The following COL6A5 variants were observed in gnomAD, a reference collection of about 807,000 sequenced individuals.
The protein encoded by COL6A5 is collagen alpha-5(VI) chain.
Under a neutral mutation model 65.6 loss-of-function variants are expected in COL6A5, and 48 were observed. The observed-to-expected ratio is 0.73, with a 90% CI of 0.58 to 0.93. The LOEUF is 0.93. COL6A5 is among the 40% of genes least tolerant of loss of function. The pLI, the probability that COL6A5 is intolerant of heterozygous loss-of-function variation, is 0.00. For missense variants in COL6A5, 914 were observed against 928.3 expected (o/e 0.98, Z 0.20); for synonymous variants, 291 against 322.8 (o/e 0.90, Z 1.05).
chr3:130,351,467 G>GA (rs1286967842), intron 1 of COL6A5, among the ~76,000 whole-genome samples: 1 of 151,690 alleles, frequency 6.6e-6, no homozygotes, highest in Non-Finnish European at 1.5e-5. Flanking sequence ...AAATTTACAA[G>GA]AAAAAAACCC....
chr3:130,414,165 G>T, intron 22 of COL6A5, 34 bp downstream of exon 22: 1 of 1,454,738 alleles, frequency 6.9e-7, no homozygotes, highest in Non-Finnish European at 9.4e-7. Flanking sequence ...ATTGATAAAT[G>T]CTGTAAAGTT....
In COL6A5 at chr3:130,435,127, T is replaced by C. The variant is rs570164692; in HGVS notation, c.487+3178T>C. ...GAGTTGATTTTTGTATAAGGTGTAATGAAGGGGTCCAGTTTCAGTTTTCTG... is the reference window on the plus strand; with the variant it reads ...GAGTTGATTTTTGTATAAGGTGTAACGAAGGGGTCCAGTTTCAGTTTTCTG... On this transcript the variant is annotated intron_variant, in intron 1 of 7. Coordinates refer to ENST00000512836, the Ensembl canonical transcript of COL6A5. 1.0e-3 allele frequency among the ~76,000 whole-genome samples: 155 copies of C among 152,174 alleles called. No homozygotes were observed. The Middle Eastern group carries it at 0.017, about 17-fold the overall frequency.
chr3:130,407,998 G>A (rs927143202), intron 17 of COL6A5, among the ~76,000 whole-genome samples: 2 of 152,090 alleles, frequency 1.3e-5, no homozygotes, highest in Non-Finnish European at 2.9e-5. Flanking sequence ...GAGGATATAT[G>A]TCGCCTCAGG....
At chr3:130,363,881 T>C (rs1369173829) in intron 1 of COL6A5, among the ~76,000 whole-genome samples, 1 of 152,248 alleles carries the variant, frequency 6.6e-6, no homozygotes, top group Non-Finnish European at 1.5e-5. Flanking sequence ...CATGAGTTTC[T>C]GCTCCAATAA....
intron 29 of COL6A5, 85 bp from the exon 30 acceptor site, chr3:130,426,128 GT>G: frequency 2.3e-6 from 3 of 1,308,992 alleles, no homozygotes; most frequent in Non-Finnish European, 3.2e-6. Flanking sequence ...AAGAAAGAAA[GT>G]TTTTTGTTTT....
chr3:130,441,086 G>A (rs151287667), intron 3 of COL6A5, among the ~76,000 whole-genome samples: 1 of 152,170 alleles, frequency 6.6e-6, no homozygotes, highest in African/African-American at 2.4e-5. Flanking sequence ...AGTGACTAGA[G>A]GTCGTATGAA....
intron 10 of COL6A5, among the ~76,000 whole-genome samples, chr3:130,399,908 A>G (rs1936758811): frequency 6.6e-6 from 1 of 151,888 alleles, no homozygotes; most frequent in South Asian, 2.1e-4. Context: ...GCCCACCACC[A>G]TGCCTGGCTA....
chr3:130,479,493 G>A (rs1710185230), intron 7 of COL6A5, among the ~76,000 whole-genome samples: 3 of 151,988 alleles, frequency 2.0e-5, no homozygotes, highest in African/African-American at 7.2e-5. Flanking sequence ...AACCCACTAT[G>A]GAAAGAGCTG....
At chr3:130,484,403 A>T in exon 8 of COL6A5, 1 of 406,716 alleles carries the variant, frequency 2.5e-6, no homozygotes, top group Non-Finnish European at 4.3e-6. Flanking sequence ...TTTTCAACAC[A>T]TCTGTATCTC....
intron 4 of COL6A5, among the ~76,000 whole-genome samples, chr3:130,455,160 A>C (rs7372446): frequency 0.047 from 7,214 of 151,902 alleles, 503 homozygotes; most frequent in East Asian, 0.31. Flanking sequence ...CAAAAAAAAA[A>C]AAACAAACAA....
intron 4 of COL6A5, among the ~76,000 whole-genome samples, chr3:130,452,922 T>C (rs1352227833): frequency 1.3e-5 from 2 of 152,176 alleles, no homozygotes; most frequent in South Asian, 2.1e-4. Context: ...AAGAATTCAG[T>C]GATATTTCTC....
intron 1 of COL6A5, among the ~76,000 whole-genome samples, chr3:130,357,465 A>C (rs1480225432): frequency 6.6e-6 from 1 of 152,224 alleles, no homozygotes; most frequent in Non-Finnish European, 1.5e-5. Context: ...ATTTTTATGA[A>C]TCCAACATGA....
chr3:130,375,995 A>C (rs1935755091), intron 2 of COL6A5, among the ~76,000 whole-genome samples: 1 of 152,132 alleles, frequency 6.6e-6, no homozygotes, highest in Non-Finnish European at 1.5e-5. Flanking sequence ...AGGGTTCCAG[A>C]ACTAAAAAAG....
chr3:130,469,488 C>T lies in COL6A5; in HGVS notation c.2231+7C>T, dbSNP rs369697006. The T allele has an allele frequency of 8.1e-6, 13 of 1,595,702 alleles. No individual in the cohort carries two copies. Among genetic ancestry groups the T allele is most frequent in the African/African-American group, 5.4e-5 (4 of 74,202 alleles). Reference sequence around the variant, plus strand: ...TTTGTCCATTTAATCAGACGTAAGTCATTAATTCTCTTTGATTGCTTTTGC... The same window carrying T: ...TTTGTCCATTTAATCAGACGTAAGTTATTAATTCTCTTTGATTGCTTTTGC... On this transcript the variant is annotated splice_region_variant and intron_variant, in intron 6 of 7. Coordinates refer to ENST00000512836, the Ensembl canonical transcript of COL6A5.
At chr3:130,407,313 G>A (rs1279781648) in intron 17 of COL6A5, among the ~76,000 whole-genome samples, 1 of 152,180 alleles carries the variant, frequency 6.6e-6, no homozygotes, top group East Asian at 1.9e-4. Flanking sequence ...GAGATTGGGA[G>A]GGCACTAGTG....
chr3:130,387,121 C>G (rs1936218730), intron 5 of COL6A5, among the ~76,000 whole-genome samples: 2 of 152,048 alleles, frequency 1.3e-5, no homozygotes, highest in Admixed American at 1.3e-4. Context: ...TTATCACCTT[C>G]CATCCATGGA....
chr3:130,393,195 C>T (rs971774851), intron 7 of COL6A5, among the ~76,000 whole-genome samples: 43 of 151,850 alleles, frequency 2.8e-4, no homozygotes, highest in Admixed American at 7.2e-4. Flanking sequence ...TCATTGATCA[C>T]CTCTCCCCTC....
At chr3:130,435,131 G>T (rs541741921) in intron 1 of COL6A5, among the ~76,000 whole-genome samples, 2 of 152,240 alleles carry the variant, frequency 1.3e-5, no homozygotes, top group East Asian at 3.9e-4. Context: ...GTGTAATGAA[G>T]GGGTCCAGTT....
At chr3:130,351,064 A>T (rs1362480780) in intron 1 of COL6A5, among the ~76,000 whole-genome samples, 1 of 152,260 alleles carries the variant, frequency 6.6e-6, no homozygotes, top group Non-Finnish European at 1.5e-5. Context: ...AAATGGGGAA[A>T]GGATTCCCTA....
Sources: allele counts gnomAD v4.1 joint callset (sites outside exome capture counted in the v4.1 genomes callset), GRCh38; gene constraint gnomAD v4.1.1; transcripts MANE v1.5; gene names NCBI Gene and HGNC (gene_info 2026-07-23, HGNC 2026-07-21).